Variants in EDIL3 observed in about 807,000 individuals in gnomAD.
EDIL3 encodes EGF like and discoidin domains 3.
In EDIL3, 37 loss-of-function variants were observed where a neutral mutation model predicts 67.4. The observed-to-expected ratio is 0.55, with a 90% CI of 0.42 to 0.72. The LOEUF is 0.72. Ranked by LOEUF, EDIL3 falls within the 30% of genes least tolerant of loss-of-function variation. The pLI is 0.00. For missense variants in EDIL3, 527 were observed against 586.3 expected, an observed-to-expected ratio of 0.90 and a Z score of 1.04; for synonymous variants, 195 against 196.3, an observed-to-expected ratio of 0.99 and a Z score of 0.05.
At chr5:84,358,592 CTTTTTTTTTTTTTTTT>C (rs756013675) in intron 1 of EDIL3, among the ~76,000 whole-genome samples, 1 of 94,560 alleles carries the variant, frequency 1.1e-5, no homozygotes, top group Non-Finnish European at 2.1e-5. Context: ...CATTTTTATC[CTTTTTTTTTTTTTTTT>C]TTTTTTTTTT....
chr5:84,069,661 G>A lies in EDIL3; in HGVS notation c.652-3055C>T, dbSNP rs1746701017. Among the ~76,000 whole-genome samples, 3 of 152,098 alleles carry A rather than the reference G, an allele frequency of 2.0e-5. No individual in the cohort carries two copies. In the South Asian group the frequency reaches 6.2e-4, roughly 31 times the overall value. The stretch of plus-strand genomic sequence containing the variant: ...GGATTTTGAGAAGTGTATTATAAAA[G>A]CCGATAATCATAACGATATGGGGTG... On this transcript the variant is annotated intron_variant, in intron 6 of 10. Transcript: ENST00000296591.
chr5:83,959,878 T>C lies in EDIL3; in HGVS notation c.1293+3327A>G, dbSNP rs559635327. The stretch of plus-strand genomic sequence containing the variant: ...CAAAAACATATTTCATTGATATATA[T>C]GTATATTTACATATAAAATGACTAC... On this transcript the variant is annotated intron_variant, in intron 10 of 10. Transcript: ENST00000296591. Among the ~76,000 whole-genome samples the C allele has an allele frequency of 3.3e-5, 5 of 151,124 alleles. No homozygotes were observed. In the South Asian group the frequency reaches 1.0e-3, roughly 31 times the overall value.
intron 1 of EDIL3, among the ~76,000 whole-genome samples, chr5:84,337,362 C>T (rs972572926): frequency 1.3e-5 from 2 of 152,042 alleles, no homozygotes; most frequent in South Asian, 2.1e-4. Context: ...AAATGGAAAG[C>T]GTGAAGAGAG....
intron 5 of EDIL3, among the ~76,000 whole-genome samples, chr5:84,127,862 G>T (rs1229788666): frequency 2.0e-5 from 3 of 151,934 alleles, no homozygotes; most frequent in African/African-American, 7.3e-5. Context: ...TCATTCTCAT[G>T]TGACCTGTAA....
chr5:84,165,966 C>T (rs560617071), intron 4 of EDIL3, among the ~76,000 whole-genome samples: 1 of 152,248 alleles, frequency 6.6e-6, no homozygotes, highest in South Asian at 2.1e-4. Context: ...AACAATAACC[C>T]TTTCATCTTT....
chr5:84,084,680 T>C (rs1747037900), intron 6 of EDIL3, among the ~76,000 whole-genome samples: 1 of 152,198 alleles, frequency 6.6e-6, no homozygotes, highest in South Asian at 2.1e-4. Flanking sequence ...CCAAACACTA[T>C]GCTAGATGCA....
chr5:84,121,321 T>G (rs1201462776), intron 5 of EDIL3, among the ~76,000 whole-genome samples: 1 of 152,038 alleles, frequency 6.6e-6, no homozygotes, highest in Non-Finnish European at 1.5e-5. Context: ...ATAAATGGTA[T>G]TAGTTATATC....
chr5:83,985,203 A>G (rs2112153258), intron 9 of EDIL3, among the ~76,000 whole-genome samples: 1 of 85,378 alleles, frequency 1.2e-5, no homozygotes, highest in East Asian at 4.4e-4. Flanking sequence ...ACACCAGAGG[A>G]AAAAAATCAC....
intron 3 of EDIL3, among the ~76,000 whole-genome samples, chr5:84,212,997 TAAA>T (rs199898963): frequency 9.2e-6 from 1 of 108,938 alleles, no homozygotes; most frequent in Non-Finnish European, 2.0e-5. Flanking sequence ...CAGAGAAGAC[TAAA>T]AAAAAAAAAA....
At chr5:84,152,595 T>C (rs1748416525) in intron 4 of EDIL3, among the ~76,000 whole-genome samples, 3 of 152,188 alleles carry the variant, frequency 2.0e-5, no homozygotes, top group South Asian at 2.1e-4. Context: ...TGTCAGTAAA[T>C]AGTAAGTGTA....
intron 4 of EDIL3, among the ~76,000 whole-genome samples, chr5:84,137,840 G>A (rs1315520420): frequency 6.6e-6 from 1 of 152,166 alleles, no homozygotes; most frequent in Non-Finnish European, 1.5e-5. Flanking sequence ...ACGATGAGAA[G>A]CAAATTAGAG....
chr5:84,367,124 A>G (rs1364463642), intron 1 of EDIL3, among the ~76,000 whole-genome samples: 1 of 152,220 alleles, frequency 6.6e-6, no homozygotes, highest in Non-Finnish European at 1.5e-5. Context: ...TTTTTCTAAC[A>G]GTTGTTTTAA....
chr5:84,362,996 T>C (rs933548090), intron 1 of EDIL3, among the ~76,000 whole-genome samples: 10 of 152,198 alleles, frequency 6.6e-5, no homozygotes, highest in Non-Finnish European at 1.3e-4. Context: ...ATGCATTTAT[T>C]TTTTGATAGC....
chr5:84,070,998 A>G (rs1746731014), intron 6 of EDIL3, among the ~76,000 whole-genome samples: 1 of 152,134 alleles, frequency 6.6e-6, no homozygotes, highest in African/African-American at 2.4e-5. Flanking sequence ...TGATCTACCC[A>G]GTTCCAGCCC....
At chr5:84,383,687 G>A (rs1302913366) in intron 1 of EDIL3, among the ~76,000 whole-genome samples, 1 of 152,134 alleles carries the variant, frequency 6.6e-6, no homozygotes, top group Non-Finnish European at 1.5e-5. Context: ...CCTGGGGTTT[G>A]CTGTAATCGA....
intron 9 of EDIL3, among the ~76,000 whole-genome samples, chr5:83,972,906 G>A (rs1247570956): frequency 6.6e-6 from 1 of 151,860 alleles, no homozygotes; most frequent in African/African-American, 2.4e-5. Context: ...TTTTGAAATT[G>A]TTCTGAAAAA....
chr5:84,366,588 A>G (rs949907702), intron 1 of EDIL3, among the ~76,000 whole-genome samples: 3 of 152,220 alleles, frequency 2.0e-5, no homozygotes, highest in African/African-American at 7.2e-5. Context: ...TTTTAATGGT[A>G]CATATAATAT....
intron 4 of EDIL3, among the ~76,000 whole-genome samples, chr5:84,143,138 T>G (rs1241735053): frequency 6.6e-6 from 1 of 152,082 alleles, no homozygotes; most frequent in Non-Finnish European, 1.5e-5. Context: ...GATGAATTTC[T>G]AGGAATTTGA....
Position 84,232,139 on chromosome 5 carries a change from C to T in EDIL3, c.197-2255G>A, listed in dbSNP as rs531082881. Among the ~76,000 whole-genome samples the T allele has an allele frequency of 3.3e-5, 5 of 152,210 alleles. No individual in the cohort carries two copies. The South Asian group carries it at 1.0e-3, about 32-fold the overall frequency. On this transcript the variant is annotated intron_variant, in intron 2 of 10. Transcript: ENST00000296591. ...TTTCTACTTAAAGATAAAAACTAGACGGCAGAGTTTACCGAAATTCACTAG... is the reference window on the plus strand; with the variant it reads ...TTTCTACTTAAAGATAAAAACTAGATGGCAGAGTTTACCGAAATTCACTAG...
Sources: allele counts gnomAD v4.1 joint callset (sites outside exome capture counted in the v4.1 genomes callset), GRCh38; gene constraint gnomAD v4.1.1; transcripts MANE v1.5; gene names NCBI Gene and HGNC (gene_info 2026-07-23, HGNC 2026-07-21).